UBE2Z: variants seen among roughly 807,000 people sequenced by gnomAD.
UBE2Z encodes the protein ubiquitin conjugating enzyme E2 Z, also known as ubiquitin-conjugating enzyme E2 Z.
UBE2Z carries 10 observed loss-of-function variants against 32.6 expected under a neutral mutation model. The observed-to-expected ratio is 0.31, with a 90% CI of 0.19 to 0.52. The LOEUF (loss-of-function observed/expected upper bound fraction) is 0.52, where lower values mean the gene tolerates loss of function less well. UBE2Z is among the 20% of genes least tolerant of loss of function. The probability of loss-of-function intolerance (pLI) is 0.97; values close to 1 mark genes in which losing one functional copy is unlikely to be tolerated. For synonymous variants in UBE2Z, 183 were observed against 190.8 expected (o/e 0.96, Z 0.34); for missense variants, 343 against 480.9 (o/e 0.71, Z 2.68).
At chr17:48,910,633 A>T in intron 1 of UBE2Z, 175 bp from the exon 2 acceptor site, 2 of 537,976 alleles carry the variant, frequency 3.7e-6, no homozygotes, top group South Asian at 5.8e-5. Context: ...TGCCTGCCTG[A>T]CAAGTACTCA....
intron 2 of UBE2Z, 47 bp downstream of exon 2, chr17:48,910,927 C>T (rs1171859169): frequency 2.0e-6 from 3 of 1,469,936 alleles, no homozygotes; most frequent in East Asian, 4.5e-5. Flanking sequence ...AATTGGGGGC[C>T]ATAAGGTTGC....
At position 48,908,459 on chromosome 17, in the gene UBE2Z, T is replaced by C. The variant is rs2040645485; in HGVS notation, c.-45T>C. On this transcript the variant is annotated 5_prime_UTR_variant, in exon 1 of 7. Coordinates refer to ENST00000360943, the MANE Select transcript of UBE2Z (RefSeq NM_023079.5). Reference sequence around the variant, plus strand: ...GAGCGGGCGGGAGCAGCGGCCGCTCTGGTCGGCGGACGTGCTGCCGAGTAG... The same window carrying C: ...GAGCGGGCGGGAGCAGCGGCCGCTCCGGTCGGCGGACGTGCTGCCGAGTAG... The C allele has an allele frequency of 8.2e-7, 1 of 1,223,456 alleles. No homozygotes were observed. The highest frequency in any genetic ancestry group is 3.2e-5 in the East Asian group (1 of 31,306). The allele number at this position is 1,223,456 out of a possible 1,614,324, so 75.8% of individuals were successfully genotyped here.
chr17:48,923,356 C>CG (rs2040776645), intron 6 of UBE2Z, among the ~76,000 whole-genome samples: 1 of 145,648 alleles, frequency 6.9e-6, no homozygotes, highest in Non-Finnish European at 1.5e-5. Flanking sequence ...AATAGCCAGG[C>CG]GCGGTGGCTC....
In UBE2Z at chr17:48,927,157, C is replaced by T. The variant is rs375182716; in HGVS notation, c.*23C>T. ...TAGACCCTGCTCCCATCTCCCCTTC[C>T]CCCACTCAAGAGTCCCAGCAGAATC... On this transcript the variant is annotated 3_prime_UTR_variant, in exon 7 of 7. Coordinates refer to ENST00000360943, the MANE Select transcript of UBE2Z (RefSeq NM_023079.5). 6.2e-6 allele frequency: 10 copies of T among 1,611,946 alleles called. No individual in the cohort carries two copies. The African/African-American group carries it at 1.3e-4, about 22-fold the overall frequency.
chr17:48,908,512 G>A lies in UBE2Z; in HGVS notation c.9G>A (p.Glu3=). 1 of 1,235,462 alleles carries A rather than the reference G, an allele frequency of 8.1e-7. No individual in the cohort carries two copies. Among genetic ancestry groups the A allele is most frequent in the South Asian group, 4.1e-5 (1 of 24,546 alleles). The allele number at this position is 1,235,462 out of a possible 1,614,324, so 76.5% of individuals were successfully genotyped here. The change falls in exon 1 of 7, where the codon GAG becomes GAA. Residue 3 remains glutamate (E), a synonymous_variant. Coordinates refer to ENST00000360943, the MANE Select transcript of UBE2Z (RefSeq NM_023079.5). ...CCGGAAGCGAAGCAGCGATGGCGGAGAGTCCGACTGAGGAGGCGGCAACGG... is the reference window on the plus strand; with the variant it reads ...CCGGAAGCGAAGCAGCGATGGCGGAAAGTCCGACTGAGGAGGCGGCAACGG... MA[E]SPTEEAATAG...
intron 6 of UBE2Z, chr17:48,923,225 G>T: frequency 5.2e-6 from 1 of 193,716 alleles, no homozygotes; most frequent in Non-Finnish European, 1.0e-5. Context: ...GGAGGCTGAG[G>T]CAGGAGAATC....
chr17:48,915,977 C>T lies in UBE2Z; in HGVS notation c.579-99C>T, dbSNP rs1388729264. On this transcript the variant is annotated intron_variant, in intron 3 of 6. Transcript: ENST00000360943. ...CAGAGTATTAATAGTGAAAGAGAAACTTATGGTGAGTCACTTATGGTGGTG... is the reference window on the plus strand; with the variant it reads ...CAGAGTATTAATAGTGAAAGAGAAATTTATGGTGAGTCACTTATGGTGGTG... The T allele has an allele frequency of 1.1e-5, 7 of 662,432 alleles. No individual in the cohort carries two copies. In the East Asian group the frequency reaches 2.4e-4, roughly 22 times the overall value. The allele number at this position is 662,432 out of a possible 1,614,324, so 41.0% of individuals were successfully genotyped here. A position where few individuals can be genotyped will look rare whatever the true frequency, so the allele number is the denominator to read the frequency against.
At chr17:48,922,331 G>C (rs1358046103) in intron 5 of UBE2Z, among the ~76,000 whole-genome samples, 1 of 152,116 alleles carries the variant, frequency 6.6e-6, no homozygotes. Context: ...AGGTTGCAGT[G>C]AGCCGAGATT....
In UBE2Z at chr17:48,908,654, G is replaced by A. The variant is rs960967217; in HGVS notation, c.151G>A (p.Ala51Thr). The A allele has an allele frequency of 1.6e-6, 2 of 1,223,200 alleles. No homozygotes were observed. The allele number at this position is 1,223,200 out of a possible 1,614,324, so 75.8% of individuals were successfully genotyped here. A position where few individuals can be genotyped will look rare whatever the true frequency, so the allele number is the denominator to read the frequency against. The change falls in exon 1 of 7, where the codon GCA becomes ACA. Residue 51 changes from alanine (A) to threonine (T), a missense_variant. Around this residue, in one of 4 missense-constraint regions of UBE2Z, gnomAD observed 103 missense variants for 96.2 expected, o/e 1.07. Transcript: ENST00000360943. ...GCCGGATGTGTGGGCGGCGGCGGCG[G>A]CAGCGGGCGGGGCCGGGGGCCCGGG... The part of the protein sequence containing the change: ...FLPDVWAAAA[A>T]AGGAGGPGSG...
chr17:48,919,539 C>T (rs1170466200), intron 4 of UBE2Z, among the ~76,000 whole-genome samples: 2 of 152,218 alleles, frequency 1.3e-5, no homozygotes, highest in African/African-American at 2.4e-5. Flanking sequence ...TACAGTGGCA[C>T]AGTCATAGCT....
intron 3 of UBE2Z, among the ~76,000 whole-genome samples, chr17:48,913,917 G>A (rs2040700447): frequency 6.6e-6 from 1 of 151,964 alleles, no homozygotes; most frequent in Non-Finnish European, 1.5e-5. Context: ...TGTTTTGTTG[G>A]TAGAGGCAGG....
In UBE2Z at chr17:48,927,394, C is replaced by T. The variant is rs2040805654; in HGVS notation, c.*260C>T. On this transcript the variant is annotated 3_prime_UTR_variant, in exon 7 of 7. Coordinates refer to ENST00000360943, the MANE Select transcript of UBE2Z (RefSeq NM_023079.5). Reference sequence around the variant, plus strand: ...GGCCAAGGTACCTTTACAGGAGCACCTAGAGCGAGGGCCTTTGGCAAAAAC... The same window carrying T: ...GGCCAAGGTACCTTTACAGGAGCACTTAGAGCGAGGGCCTTTGGCAAAAAC... 2.3e-6 allele frequency: 1 copy of T among 429,310 alleles called. No individual in the cohort carries two copies. Among genetic ancestry groups the T allele is most frequent in the Non-Finnish European group, 4.3e-6 (1 of 233,346 alleles). 26.6% of individuals were successfully genotyped at this position (429,310 alleles called of 1,614,324 possible).
chr17:48,908,556 G>A lies in UBE2Z; in HGVS notation c.53G>A (p.Gly18Asp). 1 of 1,237,694 alleles carries A rather than the reference G, an allele frequency of 8.1e-7. No individual in the cohort carries two copies. Among genetic ancestry groups the A allele is most frequent in the Non-Finnish European group, 1.0e-6 (1 of 988,908 alleles). The allele number at this position is 1,237,694 out of a possible 1,614,324, so 76.7% of individuals were successfully genotyped here. ...GCAACGGCGGGCGCCGGGGCGGCGGGCCCCGGGGCGAGCAGCGTTGCTGGT... is the reference window on the plus strand; with the variant it reads ...GCAACGGCGGGCGCCGGGGCGGCGGACCCCGGGGCGAGCAGCGTTGCTGGT... ...EAATAGAGAA[G>D]PGASSVAGVV... The change falls in exon 1 of 7, where the codon GGC (glycine) becomes GAC (aspartate). Residue 18 changes from glycine to aspartate, a missense_variant. Gly to Asp is a moderately conservative substitution (Grantham distance 94). Transcript: ENST00000360943.
intron 5 of UBE2Z, among the ~76,000 whole-genome samples, chr17:48,922,085 G>A (rs1308787805): frequency 6.6e-6 from 1 of 152,084 alleles, no homozygotes; most frequent in Non-Finnish European, 1.5e-5. Flanking sequence ...ATGTGTAGGG[G>A]AAGTCAACCA....
At chr17:48,922,509 C>G (rs968276865) in intron 5 of UBE2Z, among the ~76,000 whole-genome samples, 1 of 152,172 alleles carries the variant, frequency 6.6e-6, no homozygotes, top group Non-Finnish European at 1.5e-5. Flanking sequence ...TGGCTTGCGC[C>G]TGTAGTCCTA....
intron 4 of UBE2Z, among the ~76,000 whole-genome samples, chr17:48,920,658 G>A (rs1205982199): frequency 1.3e-5 from 2 of 151,086 alleles, no homozygotes; most frequent in Non-Finnish European, 3.0e-5. Flanking sequence ...TGATGGTGCC[G>A]CTGCACTCCA....
chr17:48,912,526 ATGCTTT>A, intron 2 of UBE2Z: 1 of 310,108 alleles, frequency 3.2e-6, no homozygotes, highest in Non-Finnish European at 6.1e-6. Flanking sequence ...AAAAAAAAAA[ATGCTTT>A]AAGAGAGTTT....
intron 4 of UBE2Z, 63 bp downstream of exon 4, chr17:48,916,250 G>GTTTTTTTTTTTTT (rs1234372680): frequency 4.2e-5 from 22 of 517,974 alleles, no homozygotes; most frequent in Non-Finnish European, 5.6e-5. Context: ...TGGTTGGTTG[G>GTTTTTTTTTTTTT]TTTTTTTGTT....
chr17:48,926,878 TC>T, intron 6 of UBE2Z, 85 bp from the exon 7 acceptor site: 2 of 1,438,612 alleles, frequency 1.4e-6, no homozygotes, highest in African/African-American at 2.8e-5. Flanking sequence ...AGTTGAGCTT[TC>T]ATTTCACATG....
Sources: allele counts gnomAD v4.1 joint callset (sites outside exome capture counted in the v4.1 genomes callset), GRCh38; gene constraint gnomAD v4.1.1; regional missense constraint gnomAD v4.1.1; transcripts MANE v1.5; gene names NCBI Gene and HGNC (gene_info 2026-07-23, HGNC 2026-07-21).